UPF2: variants seen among roughly 807,000 people sequenced by gnomAD.
The protein encoded by UPF2 is UPF2 regulator of nonsense mediated mRNA decay.
In UPF2, 17 loss-of-function variants were observed where a neutral mutation model predicts 141.4. That is an observed-to-expected ratio of 0.12 (90% CI 0.08 to 0.18). The LOEUF (loss-of-function observed/expected upper bound fraction) is 0.18. Ranked by LOEUF, UPF2 falls within the 10% of genes least tolerant of loss-of-function variation. The pLI is 1.00. For missense variants in UPF2, 1,152 were observed against 1,515.9 expected (o/e 0.76, Z 3.99); for synonymous variants, 540 against 498.0 (o/e 1.08, Z -1.12).
intron 11 of UPF2, among the ~76,000 whole-genome samples, chr10:11,960,590 A>T: frequency 6.6e-6 from 1 of 151,670 alleles, no homozygotes; most frequent in Non-Finnish European, 1.5e-5. Flanking sequence ...TAACAGAATA[A>T]AAGAAAAATA....
chr10:12,018,388 C>G (rs1204316239), intron 3 of UPF2, among the ~76,000 whole-genome samples: 1 of 152,112 alleles, frequency 6.6e-6, no homozygotes, highest in Non-Finnish European at 1.5e-5. Flanking sequence ...CAAGATCACC[C>G]TGACCAACAC....
rs139714172 is a variant in UPF2, at chr10:11,999,917, G to A, written c.1747C>T (p.Leu583=). ...QQLPNCVNRD[L]IDKAAMDFCM... ...AGAGATACCAATACCTTGTCTATCA[G>A]ATCTCGGTTGACACAGTTGGGTAAC... The change falls in exon 7 of 22, where the codon CTG becomes TTG. Residue 583 remains leucine (L), a synonymous_variant. Coordinates refer to ENST00000357604, the MANE Select transcript of UPF2 (RefSeq NM_015542.4). 1.4e-5 allele frequency: 22 copies of A among 1,613,526 alleles called. No homozygotes were observed. Among genetic ancestry groups the A allele is most frequent in the Admixed American group, 3.3e-5 (2 of 59,990 alleles).
chr10:11,925,541 AAAC>A (rs1832701572), intron 21 of UPF2, among the ~76,000 whole-genome samples: 1 of 152,280 alleles, frequency 6.6e-6, no homozygotes. Context: ...GACAGAATGG[AAAC>A]AACATGAGAC....
chr10:12,018,784 G>T (rs1205128278), intron 3 of UPF2, among the ~76,000 whole-genome samples: 1 of 151,992 alleles, frequency 6.6e-6, no homozygotes, highest in Non-Finnish European at 1.5e-5. Context: ...TAAACCCAAG[G>T]ATCCTTTAGA....
Position 11,959,689 on chromosome 10 carries a change from G to A in UPF2, c.2185-333C>T, listed in dbSNP as rs1183599702. Among the ~76,000 whole-genome samples the A allele has an allele frequency of 6.6e-6, 1 of 152,098 alleles. No individual in the cohort carries two copies. The highest frequency in any genetic ancestry group is 1.5e-5 in the Non-Finnish European group (1 of 68,016). ...GTGGGTGGACAGCTTGAGCCCAGGA[G>A]GTGGAGGCTGCAGTAAGCCATGACT... On this transcript the variant is annotated intron_variant, in intron 11 of 21. Transcript: ENST00000357604. This position sits in a 1 kb window ranked among gnomAD's most constrained non-coding sequence, Gnocchi z 5.9.
At chr10:12,030,134 G>A (rs1040828737) in intron 2 of UPF2, among the ~76,000 whole-genome samples, 2 of 151,964 alleles carry the variant, frequency 1.3e-5, no homozygotes, top group African/African-American at 2.4e-5. Flanking sequence ...AGCTAACTAG[G>A]TAAGACATAT....
chr10:11,973,644 C>T (rs1041605540), intron 9 of UPF2, among the ~76,000 whole-genome samples: 7 of 152,156 alleles, frequency 4.6e-5, no homozygotes, highest in Non-Finnish European at 1.0e-4. Context: ...AATAGGGAAT[C>T]CTTTCCCCAT....
At chr10:12,026,595 C>A (rs899810990) in intron 3 of UPF2, 11 of 449,140 alleles carry the variant, frequency 2.4e-5, no homozygotes, top group Admixed American at 2.0e-4. Context: ...CCACTGGACA[C>A]TTCTGTAAAA....
In UPF2 at chr10:12,014,051, G is replaced by A. The variant is rs1278053778; in HGVS notation, c.1279C>T (p.Leu427Phe). 6.3e-7 allele frequency: 1 copy of A among 1,581,662 alleles called. No individual in the cohort carries two copies. Among genetic ancestry groups the A allele is most frequent in the South Asian group, 1.2e-5 (1 of 85,674 alleles). The change falls in exon 4 of 22, where the codon CTT becomes TTT. Residue 427 changes from leucine to phenylalanine, a missense_variant. Around this residue, in one of 4 missense-constraint regions of UPF2, gnomAD observed 739 missense variants for 1,032.2 expected, o/e 0.72. Coordinates refer to ENST00000357604, the MANE Select transcript of UPF2 (RefSeq NM_015542.4). The surrounding 1 kb of genome is among the most constrained non-coding windows in gnomAD (Gnocchi z 5.0). ...ADLLDENMPD[L>F]PQDKPTPEEH... ...TCTGGTGTTGGTTTGTCTTGAGGAA[G>A]ATCTGGCATATTTTCATCCAAAAGG...
At chr10:12,004,466 C>T in intron 5 of UPF2, 64 bp downstream of exon 5, 2 of 1,298,994 alleles carry the variant, frequency 1.5e-6, no homozygotes, top group Non-Finnish European at 1.0e-6. Context: ...TTTTTTTTTA[C>T]AAATACTATT....
chr10:11,955,611 C>G, intron 13 of UPF2, 104 bp from the exon 14 acceptor site: 1 of 1,128,902 alleles, frequency 8.9e-7, no homozygotes. Context: ...ACTGAAAGAA[C>G]ACTGAATAGA....
chr10:11,947,778 C>A, intron 16 of UPF2, among the ~76,000 whole-genome samples: 1 of 114,124 alleles, frequency 8.8e-6, no homozygotes. Flanking sequence ...CAGAGAGAAA[C>A]CTTGTCTCAA....
At chr10:11,934,180 G>T (rs1832815148) in intron 19 of UPF2, among the ~76,000 whole-genome samples, 5 of 152,224 alleles carry the variant, frequency 3.3e-5, no homozygotes, top group Admixed American at 3.3e-4. Context: ...CTGGTTCAGA[G>T]AATTAAATAG....
chr10:12,015,204 GTTT>G (rs1393977020), intron 3 of UPF2, among the ~76,000 whole-genome samples: 2 of 152,134 alleles, frequency 1.3e-5, no homozygotes, highest in African/African-American at 4.8e-5. Flanking sequence ...ATACTTAGAA[GTTT>G]TTTATTTCTT....
In UPF2 at chr10:12,013,936, A is replaced by C. The variant is rs764348742; in HGVS notation, c.1306+88T>G. The C allele has an allele frequency of 2.0e-4, 259 of 1,301,182 alleles. 1 individual carries two copies. Among genetic ancestry groups the C allele is most frequent in the Non-Finnish European group, 2.1e-4 (211 of 1,003,554 alleles). The allele number at this position is 1,301,182 out of a possible 1,614,324, so 80.6% of individuals were successfully genotyped here. On this transcript the variant is annotated intron_variant, in intron 4 of 21. Coordinates refer to ENST00000357604, the MANE Select transcript of UPF2 (RefSeq NM_015542.4). ...TGTTGACGCCATTTTAAAAACTTAA[A>C]TTCTCAATACTGCACATCTGATAAG...
intron 11 of UPF2, among the ~76,000 whole-genome samples, chr10:11,960,828 A>G (rs1026030903): frequency 2.6e-5 from 4 of 151,778 alleles, no homozygotes; most frequent in Admixed American, 1.3e-4. Flanking sequence ...GCACTGGCTC[A>G]TGCCTGTAAT....
rs577420330 is a variant in UPF2 at position 11,944,188 on chromosome 10, T to TGAAAACGTTTC, written c.3175-1031_3175-1021dup. Among the ~76,000 whole-genome samples the TGAAAACGTTTC allele has an allele frequency of 2.6e-5, 4 of 152,226 alleles. No homozygotes were observed. The South Asian group carries it at 8.3e-4, about 32-fold the overall frequency. On this transcript the variant is annotated intron_variant, in intron 16 of 21. Transcript: ENST00000357604. ...AGCTGAAGATTCTGAGTTCTTAAAATGAAAACGTTTCAAAAACGTATACCA... is the reference window on the plus strand; with the variant it reads ...AGCTGAAGATTCTGAGTTCTTAAAATGAAAACGTTTCGAAAACGTTTCAAAAACGTATACCA...
At chr10:11,969,415 C>A (rs978271172) in intron 9 of UPF2, among the ~76,000 whole-genome samples, 3 of 152,072 alleles carry the variant, frequency 2.0e-5, no homozygotes, top group Admixed American at 6.6e-5. Flanking sequence ...GTGATCCACC[C>A]GCCTCGGCCT....
At chr10:12,010,195 G>A (rs1834103468) in intron 4 of UPF2, among the ~76,000 whole-genome samples, 1 of 152,118 alleles carries the variant, frequency 6.6e-6, no homozygotes, top group Admixed American at 6.5e-5. Context: ...ATATTTATAA[G>A]AATACAAAAA....
Sources: gnomAD v4.1 joint callset for allele counts (sites outside exome capture counted in the v4.1 genomes callset) on GRCh38, gnomAD v4.1.1 for gene constraint, gnomAD v4.1.1 regional missense constraint, Gnocchi (gnomAD v3.1) non-coding constraint, MANE v1.5 for transcripts, NCBI Gene and HGNC (gene_info 2026-07-23, HGNC 2026-07-21) for gene names.